Variants in GPR18 observed in about 807,000 individuals in gnomAD.
The protein encoded by GPR18 is G protein-coupled receptor 18.
GPR18 carries 20 observed loss-of-function variants against 22.8 expected under a neutral mutation model. The ratio of observed to expected loss-of-function variants is 0.88; its 90% CI spans 0.62 to 1.28. The LOEUF (loss-of-function observed/expected upper bound fraction) is 1.28. Ranked by LOEUF, GPR18 falls within the 50% of genes most tolerant of loss-of-function variation. The pLI is 0.00. For missense variants in GPR18, 379 were observed against 412.0 expected (o/e 0.92, Z 0.69); for synonymous variants, 160 against 155.3 (o/e 1.03, Z -0.22).
Position 99,255,289 on chromosome 13 carries a change from A to G in GPR18, c.584T>C (p.Phe195Ser). 6.2e-7 allele frequency: 1 copy of G among 1,614,184 alleles called. No homozygotes were observed. Among genetic ancestry groups the G allele is most frequent in the Non-Finnish European group, 8.5e-7 (1 of 1,180,034 alleles). ...NVLNLTRLTF[F>S]FLIPLFIMIG... Reference sequence around the variant, plus strand: ...CATGATGAACAAAGGAATCAAGAAAAAAAATGTCAGTCGAGTGAGGTTCAG... The same window carrying G: ...CATGATGAACAAAGGAATCAAGAAAGAAAATGTCAGTCGAGTGAGGTTCAG... The change falls in exon 2 of 2, where the codon TTT (phenylalanine) becomes TCT (serine). Residue 195 changes from phenylalanine to serine, a missense_variant. By Grantham distance (155) the Phe-to-Ser change is radical. Transcript: ENST00000397470.
intron 1 of GPR18, among the ~76,000 whole-genome samples, 197 bp downstream of exon 1, chr13:99,257,957 T>G (rs555412523): frequency 2.5e-3 from 386 of 152,364 alleles, no homozygotes; most frequent in Non-Finnish European, 3.9e-3. Context: ...TAAATATATT[T>G]TTTTAATAGA....
rs1173498773 is a variant in GPR18, at chr13:99,254,916, A to C, written c.957T>G (p.Ser319Arg). Residue 319 changes from serine to arginine, a missense_variant, in exon 2 of 2, where the codon AGT becomes AGG. Coordinates refer to ENST00000397470, the MANE Select transcript of GPR18 (RefSeq NM_001098200.2). ...SMRRKSFRSG[S>R]LRSLSNINSE... The stretch of plus-strand genomic sequence containing the variant: ...TGTTTATATTGCTTAGTGACCGTAG[A>C]CTACCAGATCGGAAACTTTTTCTGC... The C allele has an allele frequency of 6.2e-7, 1 of 1,614,106 alleles. No homozygotes were observed.
At chr13:99,256,157 T>G (rs1248960797) in intron 1 of GPR18, among the ~76,000 whole-genome samples, 2 of 152,200 alleles carry the variant, frequency 1.3e-5, no homozygotes, top group African/African-American at 4.8e-5. Flanking sequence ...AATAAATATT[T>G]ACTGAATTGA....
At chr13:99,256,079 A>G (rs1255119077) in intron 1 of GPR18, among the ~76,000 whole-genome samples, 173 bp from the exon 2 acceptor site, 1 of 152,198 alleles carries the variant, frequency 6.6e-6, no homozygotes, top group Non-Finnish European at 1.5e-5. Context: ...TTTGAGAGAG[A>G]ATGGGAACTT....
At chr13:99,256,328 C>T (rs1193642186) in intron 1 of GPR18, 1 of 152,944 alleles carries the variant, frequency 6.5e-6, no homozygotes, top group South Asian at 2.1e-4. Flanking sequence ...TATTTATTAC[C>T]TTATGTTCTC....
intron 1 of GPR18, among the ~76,000 whole-genome samples, chr13:99,257,435 A>G (rs937075782): frequency 2.0e-5 from 3 of 152,060 alleles, no homozygotes; most frequent in African/African-American, 4.8e-5. Flanking sequence ...TCATCCTTCA[A>G]TTTTGTGACA....
rs1429725041 is a variant in GPR18, at chr13:99,255,737, C to T, written c.136G>A (p.Val46Ile). Residue 46 changes from valine (V) to isoleucine (I), a missense_variant, in exon 2 of 2, where the codon GTT (valine) becomes ATT (isoleucine). By Grantham distance (29) the Val-to-Ile change is conservative (BLOSUM62 3). Coordinates refer to ENST00000397470, the MANE Select transcript of GPR18 (RefSeq NM_001098200.2). ...CTCTTCTTGGTGGTACAACTGAAAACCCATAATGCAGTGATGTTAACAAAT... is the reference window on the plus strand; with the variant it reads ...CTCTTCTTGGTGGTACAACTGAAAATCCATAATGCAGTGATGTTAACAAAT... ...GLFVNITALW[V>I]FSCTTKKRTT... The T allele has an allele frequency of 6.2e-7, 1 of 1,613,934 alleles. No individual in the cohort carries two copies. Among genetic ancestry groups the T allele is most frequent in the South Asian group, 1.1e-5 (1 of 91,064 alleles).
chr13:99,257,805 T>C (rs1163094233), intron 1 of GPR18, among the ~76,000 whole-genome samples: 1 of 152,204 alleles, frequency 6.6e-6, no homozygotes, highest in African/African-American at 2.4e-5. Context: ...TTTTCTTTCC[T>C]TAAGTTGAAA....
Position 99,254,838 on chromosome 13 carries a change from G to T in GPR18, c.*39C>A. On this transcript the variant is annotated 3_prime_UTR_variant, in exon 2 of 2. Transcript: ENST00000397470. ...CATTGACGCCAGAGTAGTTAGTGAAGTGAATTTTGATGGGATTGAAATGAA... is the reference window on the plus strand; with the variant it reads ...CATTGACGCCAGAGTAGTTAGTGAATTGAATTTTGATGGGATTGAAATGAA... The T allele has an allele frequency of 6.5e-7, 1 of 1,527,924 alleles. No homozygotes were observed. The highest frequency in any genetic ancestry group is 8.9e-7 in the Non-Finnish European group (1 of 1,120,304). The allele number at this position is 1,527,924 out of a possible 1,614,324, so 94.6% of individuals were successfully genotyped here.
intron 1 of GPR18, among the ~76,000 whole-genome samples, chr13:99,256,781 A>G (rs1057175695): frequency 1.4e-4 from 21 of 151,850 alleles, no homozygotes; most frequent in Non-Finnish European, 2.2e-4. Context: ...TTGACTCCTC[A>G]GTGTGAAACT....
At position 99,255,614 on chromosome 13, in the gene GPR18, A is replaced by G. The variant is rs760134164; in HGVS notation, c.259T>C (p.Trp87Arg). Residue 87 changes from tryptophan to arginine, a missense_variant, in exon 2 of 2, where the codon TGG becomes CGG. Coordinates refer to ENST00000397470, the MANE Select transcript of GPR18 (RefSeq NM_001098200.2). ...TGGCAGAAGTACTCTCCAAATGGCC[A>G]TTCATCTTTTGCATAATAAAACATT... ...FRMFYYAKDE[W>R]PFGEYFCQIL... is the part of the protein sequence containing the mutation. The G allele has an allele frequency of 1.9e-6, 3 of 1,614,204 alleles. No homozygotes were observed. The highest frequency in any genetic ancestry group is 3.3e-5 in the Admixed American group (2 of 60,032).
Position 99,255,594 on chromosome 13 carries a change from G to C in GPR18, c.279C>G (p.Phe93Leu). Residue 93 changes from phenylalanine to leucine, a missense_variant, in exon 2 of 2, where the codon TTC becomes TTG. Coordinates refer to ENST00000397470, the MANE Select transcript of GPR18 (RefSeq NM_001098200.2). ...CTGTGAGAGCTCCAAGAATCTGGCA[G>C]AAGTACTCTCCAAATGGCCATTCAT... ...AKDEWPFGEY[F>L]CQILGALTVF... is the part of the protein sequence containing the mutation. 6.2e-7 allele frequency: 1 copy of C among 1,614,192 alleles called. No individual in the cohort carries two copies. The highest frequency in any genetic ancestry group is 8.5e-7 in the Non-Finnish European group (1 of 1,180,034).
At chr13:99,257,743 T>A (rs2043590682) in intron 1 of GPR18, among the ~76,000 whole-genome samples, 1 of 152,214 alleles carries the variant, frequency 6.6e-6, no homozygotes, top group Admixed American at 6.5e-5. Flanking sequence ...AACAATGTAA[T>A]TGAAAACATG....
In GPR18 at chr13:99,255,075, G is replaced by C. The variant is rs768167198; in HGVS notation, c.798C>G (p.Pro266=). The C allele has an allele frequency of 6.2e-7, 1 of 1,614,120 alleles. No homozygotes were observed. The highest frequency in any genetic ancestry group is 8.5e-7 in the Non-Finnish European group (1 of 1,180,018). Residue 266 remains proline (P), a synonymous_variant, in exon 2 of 2, where the codon CCC becomes CCG. Transcript: ENST00000397470. The part of the protein sequence containing the change: ...MLGTGENSYN[P]WGAFTTFLMN... ...TGAGGAAGGTGGTAAAGGCTCCCCA[G>C]GGATTGTAACTGTTCTCCCCCGTTC...
In GPR18 at chr13:99,257,924, TTTG is replaced by T. The variant is rs1227749042; in HGVS notation, c.-35+227_-35+229del. On this transcript the variant is annotated intron_variant, in intron 1 of 1. Transcript: ENST00000397470. Reference sequence around the variant, plus strand: ...ATTTCAAGGTCTTTCACCAACATAGTTTGTTATGTTTATTTTTTTAATTAAATA... The same window carrying T: ...ATTTCAAGGTCTTTCACCAACATAGTTTATGTTTATTTTTTTAATTAAATA... Among the ~76,000 whole-genome samples, 29 of 152,268 alleles carry T rather than the reference TTTG, an allele frequency of 1.9e-4. No homozygotes were observed. In the South Asian group the frequency reaches 5.0e-3, roughly 26 times the overall value.
chr13:99,256,041 A>G (rs1455555534), intron 1 of GPR18, 135 bp from the exon 2 acceptor site: 3 of 597,286 alleles, frequency 5.0e-6, no homozygotes, highest in Non-Finnish European at 8.6e-6. Flanking sequence ...TCAACTGGTT[A>G]ACTACTGAAC....
chr13:99,255,793 A>G lies in GPR18; in HGVS notation c.80T>C (p.Val27Ala). Residue 27 changes from valine to alanine, a missense_variant, in exon 2 of 2, where the codon GTC becomes GCC. Physicochemically the swap from Val to Ala is moderately conservative, Grantham distance 64. Transcript: ENST00000397470. ...AATTATGAAGATACAGCTATAGAAGACAAGGGCTGCAATTTTGTATTCATC... is the reference window on the plus strand; with the variant it reads ...AATTATGAAGATACAGCTATAGAAGGCAAGGGCTGCAATTTTGTATTCATC... ...HPDEYKIAAL[V>A]FYSCIFIIGL... 5.6e-6 allele frequency: 9 copies of G among 1,612,690 alleles called. No homozygotes were observed. The highest frequency in any genetic ancestry group is 7.6e-6 in the Non-Finnish European group (9 of 1,179,320).
intron 1 of GPR18, chr13:99,256,287 T>G (rs1035807079): frequency 6.4e-6 from 1 of 155,636 alleles, no homozygotes; most frequent in Non-Finnish European, 1.4e-5. Flanking sequence ...ATTAAACTTT[T>G]TGTTTTTTTT....
In GPR18 at chr13:99,254,774, T is replaced by TC; in HGVS notation, c.*102dup. On this transcript the variant is annotated 3_prime_UTR_variant, in exon 2 of 2. Coordinates refer to ENST00000397470, the MANE Select transcript of GPR18 (RefSeq NM_001098200.2). ...AAATGAAGATAATGAATTTATTTTT[T>TC]CAAGAGAAAAGGGACTTGATAGTAT... 1.2e-6 allele frequency: 1 copy of TC among 829,962 alleles called. No homozygotes were observed. The highest frequency in any genetic ancestry group is 1.8e-6 in the Non-Finnish European group (1 of 542,930). 51.4% of individuals were successfully genotyped at this position (829,962 alleles called of 1,614,324 possible).
Sources: gnomAD v4.1 joint callset for allele counts (sites outside exome capture counted in the v4.1 genomes callset) on GRCh38, gnomAD v4.1.1 for gene constraint, MANE v1.5 for transcripts, NCBI Gene and HGNC (gene_info 2026-07-23, HGNC 2026-07-21) for gene names.